CEP112: variants seen among roughly 807,000 people sequenced by gnomAD.
The protein encoded by CEP112 is centrosomal protein 112, also known as centrosomal protein of 112 kDa.
A neutral mutation model predicts 153.0 loss-of-function variants in CEP112; 127 were observed. That is an observed-to-expected ratio of 0.83 (90% confidence interval 0.72 to 0.96). The LOEUF (loss-of-function observed/expected upper bound fraction) is 0.96. Ranked by LOEUF, CEP112 falls within the 40% of genes least tolerant of loss-of-function variation. The pLI, the probability that CEP112 is intolerant of heterozygous loss-of-function variation, is 0.00. For missense variants in CEP112, 1,089 were observed against 1,101.2 expected (o/e 0.99, Z 0.16); for synonymous variants, 358 against 374.4 (o/e 0.96, Z 0.51).
chr17:65,792,122 C>T (rs911222521), intron 21 of CEP112, among the ~76,000 whole-genome samples: 3 of 152,222 alleles, frequency 2.0e-5, no homozygotes, highest in Admixed American at 6.5e-5. Context: ...AGCGCTCCTA[C>T]ACTCAGATGT....
intron 20 of CEP112, among the ~76,000 whole-genome samples, chr17:65,860,911 A>T (rs2058292288): frequency 1.3e-5 from 2 of 152,264 alleles, no homozygotes; most frequent in Non-Finnish European, 2.9e-5. Flanking sequence ...ACACAGTGGA[A>T]TATTATTCAG....
intron 5 of CEP112, among the ~76,000 whole-genome samples, chr17:66,130,702 G>T (rs1327629112): frequency 6.7e-6 from 1 of 150,190 alleles, no homozygotes; most frequent in Non-Finnish European, 1.5e-5. Flanking sequence ...TGTGAACCCG[G>T]GAGGTGGAGC....
intron 17 of CEP112, among the ~76,000 whole-genome samples, chr17:65,983,920 G>T (rs916771323): frequency 1.3e-5 from 2 of 151,888 alleles, no homozygotes; most frequent in African/African-American, 4.8e-5. Flanking sequence ...TCTCTACATT[G>T]TGTTTCTGAT....
At chr17:65,881,652 A>G (rs2059080703) in intron 20 of CEP112, among the ~76,000 whole-genome samples, 1 of 152,236 alleles carries the variant, frequency 6.6e-6, no homozygotes, top group Admixed American at 6.5e-5. Context: ...TCTGTGGTAC[A>G]GCAGTGCCCC....
chr17:65,929,295 T>C (rs2061040618), intron 18 of CEP112, among the ~76,000 whole-genome samples: 1 of 152,092 alleles, frequency 6.6e-6, no homozygotes, highest in South Asian at 2.1e-4. Context: ...CATAATCCAA[T>C]CCCAGTGACC....
chr17:65,808,991 T>A (rs2055782978), intron 21 of CEP112, among the ~76,000 whole-genome samples: 1 of 152,188 alleles, frequency 6.6e-6, no homozygotes, highest in African/African-American at 2.4e-5. Flanking sequence ...TTCTGCCATG[T>A]TATGACACAG....
intron 20 of CEP112, among the ~76,000 whole-genome samples, chr17:65,888,489 T>G (rs1356778435): frequency 7.2e-6 from 1 of 138,976 alleles, no homozygotes. Context: ...AATTTCATCT[T>G]TAAGATGATC....
At position 65,674,039 on chromosome 17, in the gene CEP112, G is replaced by A. The variant is rs146646688; in HGVS notation, c.2697+15090C>T. 4.1e-3 allele frequency among the ~76,000 whole-genome samples: 629 copies of A among 152,200 alleles called. 9 individuals are homozygous for A. The highest frequency in any genetic ancestry group is 0.015 in the African/African-American group (603 of 41,528). On this transcript the variant is annotated intron_variant, in intron 24 of 26. Transcript: ENST00000535342. The stretch of plus-strand genomic sequence containing the variant: ...TTACAGGCGTGCGCCACCAAGCCCA[G>A]CTAATTTTTATATTTTTAGTAGAGA...
intron 3 of CEP112, 101 bp from the exon 4 acceptor site, chr17:66,175,317 C>T (rs1034499159): frequency 2.6e-6 from 2 of 758,448 alleles, no homozygotes; most frequent in Non-Finnish European, 4.0e-6. Context: ...CTTTCAAATA[C>T]TCAAATTCAA....
chr17:65,908,023 G>C (rs1255781881), intron 19 of CEP112, among the ~76,000 whole-genome samples: 1 of 152,166 alleles, frequency 6.6e-6, no homozygotes, highest in Non-Finnish European at 1.5e-5. Flanking sequence ...AGCCTTCTAA[G>C]TTAAGGGGTG....
At chr17:66,113,471 A>T (rs1282417404) in intron 6 of CEP112, among the ~76,000 whole-genome samples, 8 of 152,208 alleles carry the variant, frequency 5.3e-5, no homozygotes, top group Non-Finnish European at 1.2e-4. Flanking sequence ...ATTTAAAACC[A>T]AAAGCCAAGA....
At chr17:66,132,230 T>C (rs911587148) in intron 5 of CEP112, among the ~76,000 whole-genome samples, 1 of 138,732 alleles carries the variant, frequency 7.2e-6, no homozygotes, top group Non-Finnish European at 1.5e-5. Context: ...CATTAGCACC[T>C]TGTCCAAAGC....
intron 8 of CEP112, among the ~76,000 whole-genome samples, chr17:66,074,274 C>A (rs1467075262): frequency 2.0e-5 from 3 of 151,704 alleles, no homozygotes; most frequent in Non-Finnish European, 4.4e-5. Context: ...GATGACAGAA[C>A]AAGAGAAATT....
At chr17:66,189,675 A>C (rs1487302822) in intron 1 of CEP112, among the ~76,000 whole-genome samples, 1 of 152,204 alleles carries the variant, frequency 6.6e-6, no homozygotes, top group Admixed American at 6.5e-5. Flanking sequence ...AAAAATAAAG[A>C]AATGGAAAAA....
intron 24 of CEP112, 98 bp from the exon 25 acceptor site, chr17:65,641,163 G>C: frequency 2.9e-6 from 2 of 694,354 alleles, no homozygotes; most frequent in Non-Finnish European, 5.1e-6. Context: ...ACAATGAAAG[G>C]TTTGTTACAC....
intron 10 of CEP112, among the ~76,000 whole-genome samples, chr17:66,064,287 T>C (rs2067033035): frequency 6.6e-6 from 1 of 152,190 alleles, no homozygotes; most frequent in Admixed American, 6.5e-5. Flanking sequence ...TTTCAATATA[T>C]TGTTGCTGCT....
chr17:65,799,807 T>C (rs1370738886), intron 21 of CEP112, among the ~76,000 whole-genome samples: 1 of 152,218 alleles, frequency 6.6e-6, no homozygotes, highest in Non-Finnish European at 1.5e-5. Context: ...TCTACCCTTC[T>C]ACCATTGCTC....
At chr17:66,162,144 C>T (rs1479502891) in intron 4 of CEP112, among the ~76,000 whole-genome samples, 1 of 152,060 alleles carries the variant, frequency 6.6e-6, no homozygotes, top group Non-Finnish European at 1.5e-5. Context: ...GACAGACAAA[C>T]CATTTTTTCC....
At chr17:66,089,387 A>G (rs1353864119) in intron 8 of CEP112, among the ~76,000 whole-genome samples, 1 of 152,226 alleles carries the variant, frequency 6.6e-6, no homozygotes, top group Non-Finnish European at 1.5e-5. Context: ...ATTCACACTA[A>G]TTGTTTTAAG....
Sources: allele counts gnomAD v4.1 joint callset (sites outside exome capture counted in the v4.1 genomes callset), GRCh38; gene constraint gnomAD v4.1.1; transcripts MANE v1.5; gene names NCBI Gene and HGNC (gene_info 2026-07-23, HGNC 2026-07-21).